DLG2: variants seen among roughly 807,000 people sequenced by gnomAD.
DLG2 encodes the protein disks large homolog 2.
A neutral mutation model predicts 132.5 loss-of-function variants in DLG2; 45 were observed. The ratio of observed to expected loss-of-function variants is 0.34; its 90% CI spans 0.27 to 0.44. The LOEUF (loss-of-function observed/expected upper bound fraction) is 0.44, where lower values mean the gene tolerates loss of function less well. DLG2 is among the 20% of genes least tolerant of loss of function. DLG2 has a pLI of 1.00. For synonymous variants in DLG2, 424 were observed against 419.6 expected (o/e 1.01, Z -0.13); for missense variants, 1,045 against 1,196.9 (o/e 0.87, Z 1.87).
chr11:84,975,451 G>A (rs1200408430), intron 6 of DLG2, among the ~76,000 whole-genome samples: 1 of 152,144 alleles, frequency 6.6e-6, no homozygotes, highest in African/African-American at 2.4e-5. Context: ...ACCTGGCACT[G>A]GAATGCAATG....
At chr11:83,515,491 T>C (rs1174407594) in intron 21 of DLG2, among the ~76,000 whole-genome samples, 1 of 152,194 alleles carries the variant, frequency 6.6e-6, no homozygotes, top group Non-Finnish European at 1.5e-5. Flanking sequence ...GATTCATTGA[T>C]TTTTTGAAGG....
chr11:83,503,295 A>G (rs187536916), intron 21 of DLG2, among the ~76,000 whole-genome samples: 1 of 148,016 alleles, frequency 6.8e-6, no homozygotes, highest in Admixed American at 7.0e-5. Context: ...TGACTGTTGT[A>G]TTGGTCAGAG....
At chr11:85,218,496 A>G (rs977458186) in intron 4 of DLG2, among the ~76,000 whole-genome samples, 63 of 152,316 alleles carry the variant, frequency 4.1e-4, no homozygotes, top group African/African-American at 1.5e-3. Flanking sequence ...AGAGAGATAC[A>G]AATCAAAACC....
At chr11:84,595,495 A>C (rs2099554477) in intron 6 of DLG2, among the ~76,000 whole-genome samples, 1 of 152,068 alleles carries the variant, frequency 6.6e-6, no homozygotes, top group Admixed American at 6.6e-5. Flanking sequence ...TAAAAAAAAA[A>C]AAAAGCTTAT....
At chr11:85,243,518 C>T (rs576740773) in intron 4 of DLG2, among the ~76,000 whole-genome samples, 39 of 151,820 alleles carry the variant, frequency 2.6e-4, no homozygotes, top group Non-Finnish European at 4.9e-4. Flanking sequence ...TTCATGGCAC[C>T]CTATAGCTTA....
At chr11:85,505,382 T>G (rs555052070) in intron 3 of DLG2, among the ~76,000 whole-genome samples, 1 of 152,322 alleles carries the variant, frequency 6.6e-6, no homozygotes, top group East Asian at 1.9e-4. Context: ...CTTATTATTT[T>G]GAGATATGTC....
At chr11:85,511,634 C>T (rs1190490788) in intron 3 of DLG2, among the ~76,000 whole-genome samples, 5 of 151,976 alleles carry the variant, frequency 3.3e-5, no homozygotes, top group Middle Eastern at 3.2e-3. Context: ...AAATTTATCA[C>T]TGAGGCTTCA....
intron 3 of DLG2, among the ~76,000 whole-genome samples, chr11:85,339,706 T>C (rs1224028307): frequency 1.3e-5 from 2 of 152,230 alleles, no homozygotes; most frequent in Non-Finnish European, 2.9e-5. Context: ...TGTCCCTCAG[T>C]CTTTAAGACT....
chr11:85,360,299 G>A (rs1461259859), intron 3 of DLG2, among the ~76,000 whole-genome samples: 1 of 152,180 alleles, frequency 6.6e-6, no homozygotes. Context: ...GTGTAACTTT[G>A]AGTGTGGCTT....
intron 6 of DLG2, among the ~76,000 whole-genome samples, chr11:84,698,319 T>C (rs2153735781): frequency 6.6e-6 from 1 of 151,652 alleles, no homozygotes; most frequent in Admixed American, 6.6e-5. Flanking sequence ...CTGTGAACAT[T>C]GAGCTAGGTA....
chr11:85,488,126 C>T (rs1597837388), intron 3 of DLG2, among the ~76,000 whole-genome samples: 1 of 152,186 alleles, frequency 6.6e-6, no homozygotes. Context: ...TGCAGTGGCT[C>T]ACGCCTGTGA....
chr11:83,584,951 T>C (rs1479163360), intron 19 of DLG2, among the ~76,000 whole-genome samples: 2 of 152,210 alleles, frequency 1.3e-5, no homozygotes, highest in Non-Finnish European at 2.9e-5. Context: ...TAGTTTATAG[T>C]GAAATTACTC....
At chr11:85,010,762 C>A (rs2059084550) in intron 6 of DLG2, among the ~76,000 whole-genome samples, 1 of 151,908 alleles carries the variant, frequency 6.6e-6, no homozygotes, top group Non-Finnish European at 1.5e-5. Context: ...CAAACTCTTA[C>A]AAAATAATTT....
chr11:83,886,433 C>T (rs532168787), intron 15 of DLG2, among the ~76,000 whole-genome samples: 2 of 152,174 alleles, frequency 1.3e-5, no homozygotes, highest in Non-Finnish European at 2.9e-5. Flanking sequence ...TACATGAGCA[C>T]CCAGATTCAT....
chr11:84,465,339 A>C (rs1162976695), intron 7 of DLG2, among the ~76,000 whole-genome samples: 1 of 151,204 alleles, frequency 6.6e-6, no homozygotes, highest in Non-Finnish European at 1.5e-5. Flanking sequence ...TTTTTATTTT[A>C]AACTGCTTAA....
intron 16 of DLG2, among the ~76,000 whole-genome samples, chr11:83,845,104 C>T (rs948932637): frequency 3.3e-5 from 5 of 151,960 alleles, no homozygotes; most frequent in African/African-American, 1.2e-4. Flanking sequence ...TCTAGTATAA[C>T]GACAACCCAA....
intron 6 of DLG2, among the ~76,000 whole-genome samples, chr11:84,736,022 G>A (rs868661554): frequency 6.6e-6 from 1 of 151,830 alleles, no homozygotes; most frequent in Non-Finnish European, 1.5e-5. Context: ...TCTTCTAGAG[G>A]TTTTGTAGTT....
chr11:85,173,102 A>C (rs2078991587), intron 4 of DLG2, among the ~76,000 whole-genome samples: 1 of 152,156 alleles, frequency 6.6e-6, no homozygotes, highest in South Asian at 2.1e-4. Context: ...CCAACATTCA[A>C]ATTCAAAAAA....
chr11:84,812,743 C>A (rs1482049157), intron 6 of DLG2, among the ~76,000 whole-genome samples: 1 of 152,126 alleles, frequency 6.6e-6, no homozygotes, highest in Non-Finnish European at 1.5e-5. Context: ...GGGTGGTTCT[C>A]TTTTAGCCTA....
Sources: allele counts gnomAD v4.1 joint callset (sites outside exome capture counted in the v4.1 genomes callset), GRCh38; gene constraint gnomAD v4.1.1; transcripts MANE v1.5; gene names NCBI Gene and HGNC (gene_info 2026-07-23, HGNC 2026-07-21).